The following SPOPL variants were observed in gnomAD, a reference collection of about 807,000 sequenced individuals.
SPOPL encodes speckle-type POZ protein-like.
A neutral mutation model predicts 53.8 loss-of-function variants in SPOPL; 23 were observed. The observed-to-expected ratio is 0.43, with a 90% confidence interval of 0.31 to 0.61. The LOEUF (loss-of-function observed/expected upper bound fraction) is 0.61. Ranked by LOEUF, SPOPL falls within the 20% of genes least tolerant of loss-of-function variation. SPOPL has a pLI of 0.12. For synonymous variants in SPOPL, 164 were observed against 149.7 expected (o/e 1.10, Z -0.70); for missense variants, 442 against 466.9 (o/e 0.95, Z 0.49).
chr2:138,548,239 C>CT lies in SPOPL; in HGVS notation c.-60-1898dup, dbSNP rs34021497. Among the ~76,000 whole-genome samples, 80 of 88,980 alleles carry CT rather than the reference C, an allele frequency of 9.0e-4. 1 individual carries two copies. The highest frequency in any genetic ancestry group is 1.2e-3 in the Non-Finnish European group (53 of 44,160). 58.4% of individuals were successfully genotyped at this position (88,980 alleles called of 152,430 possible). ...TTCATTGATTACAAGTGAAGGTAAACTTTTTTTTTTTTTTTTTTTTGGTAA... is the reference window on the plus strand; with the variant it reads ...TTCATTGATTACAAGTGAAGGTAAACTTTTTTTTTTTTTTTTTTTTTGGTAA... On this transcript the variant is annotated intron_variant, in intron 1 of 10. Coordinates refer to ENST00000280098, the MANE Select transcript of SPOPL (RefSeq NM_001001664.3).
chr2:138,523,723 T>G (rs1356159802), intron 1 of SPOPL, among the ~76,000 whole-genome samples: 1 of 152,182 alleles, frequency 6.6e-6, no homozygotes, highest in Non-Finnish European at 1.5e-5. Context: ...CAGTCAAATC[T>G]TAAAGCTTCA....
chr2:138,555,494 T>C (rs1685404095), intron 5 of SPOPL, among the ~76,000 whole-genome samples: 1 of 151,992 alleles, frequency 6.6e-6, no homozygotes, highest in African/African-American at 2.4e-5. Flanking sequence ...TCTATGAAAA[T>C]CAAAAAGTCT....
Position 138,552,495 on chromosome 2 carries a change from A to G in SPOPL, c.353-59A>G, listed in dbSNP as rs79189875. 12 of 1,551,594 alleles carry G rather than the reference A, an allele frequency of 7.7e-6. No individual in the cohort carries two copies. The Admixed American group carries it at 1.0e-4, about 13-fold the overall frequency. On this transcript the variant is annotated intron_variant, in intron 4 of 10. Coordinates refer to ENST00000280098, the MANE Select transcript of SPOPL (RefSeq NM_001001664.3). ...ACACATTTTATTTAACTGTGTTACC[A>G]TGTTTAAAAAGTCTCTTGGATATTT...
chr2:138,517,993 A>G (rs1244078457), intron 1 of SPOPL, among the ~76,000 whole-genome samples: 2 of 148,690 alleles, frequency 1.3e-5, no homozygotes, highest in African/African-American at 5.0e-5. Flanking sequence ...GGTGGCAGTG[A>G]GCCAAGATTG....
At position 138,569,791 on chromosome 2, in the gene SPOPL, T is replaced by C. The variant is rs1685743221; in HGVS notation, c.*711T>C. ...GTTAAGATTTCATGAAGAAAGCATG[T>C]ATTGTGTGGAAGTAATTTTTTTTTA... is the stretch of plus-strand genomic sequence containing the variant. On this transcript the variant is annotated 3_prime_UTR_variant, in exon 11 of 11. Coordinates refer to ENST00000280098, the MANE Select transcript of SPOPL (RefSeq NM_001001664.3). The C allele has an allele frequency of 6.6e-6, 1 of 152,614 alleles. No individual in the cohort carries two copies. Among genetic ancestry groups the C allele is most frequent in the Non-Finnish European group, 1.5e-5 (1 of 68,032 alleles). The allele number at this position is 152,614 out of a possible 1,614,324, so 9.5% of individuals were successfully genotyped here. A position where few individuals can be genotyped will look rare whatever the true frequency, so the allele number is the denominator to read the frequency against.
chr2:138,547,024 G>C (rs945081718), intron 1 of SPOPL, among the ~76,000 whole-genome samples: 15 of 152,072 alleles, frequency 9.9e-5, no homozygotes, highest in Non-Finnish European at 1.5e-4. Context: ...GGAGTGCAGT[G>C]GTGCGATCTT....
At chr2:138,557,494 T>A (rs1265835437) in intron 5 of SPOPL, among the ~76,000 whole-genome samples, 1 of 152,218 alleles carries the variant, frequency 6.6e-6, no homozygotes. Context: ...ACATTTTACA[T>A]TGGACCATTA....
Position 138,554,498 on chromosome 2 carries a change from GCCT to G in SPOPL, c.480+1823_480+1825del, listed in dbSNP as rs990748819. On this transcript the variant is annotated intron_variant, in intron 5 of 10. Coordinates refer to ENST00000280098, the MANE Select transcript of SPOPL (RefSeq NM_001001664.3). ...ATTGCACTACCCTTCCTAAAGAACTGCCTCCTCCCCCTCCCCTGCAAGTGGTGC... is the reference window on the plus strand; with the variant it reads ...ATTGCACTACCCTTCCTAAAGAACTGCCTCCCCCTCCCCTGCAAGTGGTGC... 4 of 1,289,576 alleles carry G rather than the reference GCCT, an allele frequency of 3.1e-6. No homozygotes were observed. In the African/African-American group the frequency reaches 6.1e-5, roughly 20 times the overall value. The allele number at this position is 1,289,576 out of a possible 1,614,324, so 79.9% of individuals were successfully genotyped here. A position where few individuals can be genotyped will look rare whatever the true frequency, so the allele number is the denominator to read the frequency against.
intron 1 of SPOPL, among the ~76,000 whole-genome samples, chr2:138,541,587 T>A (rs1685072915): frequency 6.6e-6 from 1 of 152,176 alleles, no homozygotes; most frequent in Non-Finnish European, 1.5e-5. Flanking sequence ...GGTGGTGATA[T>A]CCCCTTTATC....
At chr2:138,563,646 A>C (rs984369636) in intron 8 of SPOPL, among the ~76,000 whole-genome samples, 1 of 152,236 alleles carries the variant, frequency 6.6e-6, no homozygotes, top group Non-Finnish European at 1.5e-5. Context: ...ACACGGAAAA[A>C]TTAGGGCTCT....
At chr2:138,539,459 G>A (rs1476736106) in intron 1 of SPOPL, among the ~76,000 whole-genome samples, 3 of 151,962 alleles carry the variant, frequency 2.0e-5, no homozygotes, top group African/African-American at 4.8e-5. Context: ...GTGTGAGATG[G>A]TATCTCATTG....
chr2:138,552,788 T>C lies in SPOPL; in HGVS notation c.480+107T>C, dbSNP rs145185505. 2.2e-3 allele frequency: 2,802 copies of C among 1,283,932 alleles called. 54 individuals carry two copies. In the African/African-American group the frequency reaches 0.037, roughly 17 times the overall value. The allele number at this position is 1,283,932 out of a possible 1,614,324, so 79.5% of individuals were successfully genotyped here. The stretch of plus-strand genomic sequence containing the variant: ...AAATTAAGTAATTGGTATAGTTGAT[T>C]GAGTTTCATTTGTAAATTCTTGACT... On this transcript the variant is annotated intron_variant, in intron 5 of 10. Coordinates refer to ENST00000280098, the MANE Select transcript of SPOPL (RefSeq NM_001001664.3).
intron 1 of SPOPL, among the ~76,000 whole-genome samples, chr2:138,530,650 C>T (rs1212861646): frequency 3.3e-5 from 5 of 152,214 alleles, no homozygotes; most frequent in African/African-American, 1.2e-4. Context: ...CCAATTGTTG[C>T]TAACATAAAA....
In SPOPL at chr2:138,564,862, T is replaced by A; in HGVS notation, c.980+12T>A. ...GACTTTATTAATAGGTAAGCTATGC[T>A]TGTATTTCAGTGGGCATGACAACTT... On this transcript the variant is annotated intron_variant, in intron 9 of 10. Transcript: ENST00000280098. 6.2e-7 allele frequency: 1 copy of A among 1,614,068 alleles called. No individual in the cohort carries two copies. Among genetic ancestry groups the A allele is most frequent in the East Asian group, 2.2e-5 (1 of 44,874 alleles).
At chr2:138,525,014 C>T (rs1684638617) in intron 1 of SPOPL, among the ~76,000 whole-genome samples, 1 of 152,160 alleles carries the variant, frequency 6.6e-6, no homozygotes, top group Admixed American at 6.5e-5. Flanking sequence ...TTTTGGGTAT[C>T]TTTTCAGCAG....
At chr2:138,567,372 A>T (rs1439929962) in intron 10 of SPOPL, among the ~76,000 whole-genome samples, 6 of 112,972 alleles carry the variant, frequency 5.3e-5, no homozygotes, top group African/African-American at 1.7e-4. Flanking sequence ...AGAGCAGTAT[A>T]GTGTGTGTGT....
At position 138,559,267 on chromosome 2, in the gene SPOPL, A is replaced by G. The variant is rs1220081228; in HGVS notation, c.659-15A>G. The G allele has an allele frequency of 2.5e-6, 4 of 1,612,530 alleles. No homozygotes were observed. The highest frequency in any genetic ancestry group is 1.1e-5 in the South Asian group (1 of 90,692). On this transcript the variant is annotated splice_polypyrimidine_tract_variant and intron_variant, in intron 6 of 10. Coordinates refer to ENST00000280098, the MANE Select transcript of SPOPL (RefSeq NM_001001664.3). ...GCATTTATGCATAAAATAATGATAC[A>G]TAATCTTGTTACAGCTCGATCTCCA...
intron 1 of SPOPL, among the ~76,000 whole-genome samples, chr2:138,545,446 T>G (rs909664842): frequency 1.3e-5 from 2 of 152,012 alleles, no homozygotes; most frequent in Non-Finnish European, 2.9e-5. Flanking sequence ...TTTTGTTTTT[T>G]TTTTTGAGAC....
At chr2:138,514,933 C>T (rs1384231903) in intron 1 of SPOPL, among the ~76,000 whole-genome samples, 2 of 152,116 alleles carry the variant, frequency 1.3e-5, no homozygotes, top group African/African-American at 4.8e-5. Flanking sequence ...TGTGGGTAGG[C>T]TATTTTCTCA....
Sources: allele counts gnomAD v4.1 joint callset (sites outside exome capture counted in the v4.1 genomes callset), GRCh38; gene constraint gnomAD v4.1.1; transcripts MANE v1.5; gene names NCBI Gene and HGNC (gene_info 2026-07-23, HGNC 2026-07-21).